Variants in RALGAPA2 observed in about 807,000 individuals in gnomAD.
RALGAPA2 encodes ral GTPase-activating protein subunit alpha-2.
RALGAPA2 carries 139 observed loss-of-function variants against 230.4 expected under a neutral mutation model. The ratio of observed to expected loss-of-function variants is 0.60; its 90% CI spans 0.53 to 0.69. The LOEUF is 0.69. Among genes scored for constraint, RALGAPA2 ranks in the 30% least tolerant of loss-of-function variants. RALGAPA2 has a pLI of 0.00. For missense variants in RALGAPA2, 2,163 were observed against 2,276.0 expected, an observed-to-expected ratio of 0.95 and a Z score of 1.01; for synonymous variants, 847 against 837.8, an observed-to-expected ratio of 1.01 and a Z score of -0.19.
Position 20,616,044 on chromosome 20 carries a change from A to G in RALGAPA2, c.1687T>C (p.Trp563Arg). The G allele has an allele frequency of 6.7e-7, 1 of 1,493,070 alleles. No homozygotes were observed. The highest frequency in any genetic ancestry group is 8.9e-7 in the Non-Finnish European group (1 of 1,119,824). 92.5% of individuals were successfully genotyped at this position (1,493,070 alleles called of 1,614,324 possible). Reference sequence around the variant, plus strand: ...CTAATTAATTTGATATAAACTTACCATGTCTTTTTATTCATTGTAAGCTCC... The same window carrying G: ...CTAATTAATTTGATATAAACTTACCGTGTCTTTTTATTCATTGTAAGCTCC... ...IMELTMNKKT[W>R]EQMLQILLRI... The change falls in exon 13 of 40, where the codon TGG becomes CGG. Residue 563 changes from tryptophan to arginine, a missense_variant and splice_region_variant. Trp to Arg is a moderately radical substitution (Grantham distance 101, BLOSUM62 -3). Transcript: ENST00000202677.
chr20:20,439,807 T>C (rs1183175909), intron 37 of RALGAPA2, among the ~76,000 whole-genome samples: 1 of 152,236 alleles, frequency 6.6e-6, no homozygotes, highest in African/African-American at 2.4e-5. Flanking sequence ...GAGTACAAAG[T>C]ACAAGGTGCT....
chr20:20,405,638 G>A (rs1016405303), intron 38 of RALGAPA2, among the ~76,000 whole-genome samples: 3 of 152,214 alleles, frequency 2.0e-5, no homozygotes, highest in African/African-American at 4.8e-5. Context: ...CAAGGTGATC[G>A]ATAATTCCCT....
At chr20:20,602,118 A>C (rs2065672749) in intron 15 of RALGAPA2, among the ~76,000 whole-genome samples, 1 of 152,228 alleles carries the variant, frequency 6.6e-6, no homozygotes. Flanking sequence ...ATACAAAAGA[A>C]AGTATTAATA....
At chr20:20,623,873 A>G (rs980731396) in intron 10 of RALGAPA2, among the ~76,000 whole-genome samples, 10 of 152,082 alleles carry the variant, frequency 6.6e-5, no homozygotes, top group African/African-American at 2.4e-4. Context: ...AATATGTTAA[A>G]CCTATTTACC....
intron 26 of RALGAPA2, 134 bp downstream of exon 26, chr20:20,535,611 C>A: frequency 7.8e-7 from 1 of 1,289,782 alleles, no homozygotes; most frequent in African/African-American, 1.5e-5. Context: ...TTCCTGGCAT[C>A]ATTCTTCCTA....
chr20:20,608,942 A>T (rs1027699625), intron 14 of RALGAPA2, among the ~76,000 whole-genome samples: 3 of 152,162 alleles, frequency 2.0e-5, no homozygotes, highest in Non-Finnish European at 4.4e-5. Flanking sequence ...TCAGAAACAC[A>T]ATCTGCCTAA....
intron 38 of RALGAPA2, among the ~76,000 whole-genome samples, chr20:20,405,155 TC>T (rs2059920066): frequency 1.3e-5 from 2 of 152,196 alleles, no homozygotes; most frequent in Non-Finnish European, 2.9e-5. Flanking sequence ...GTTTTCATTC[TC>T]CTCAAGTTGA....
intron 20 of RALGAPA2, among the ~76,000 whole-genome samples, chr20:20,580,566 A>C (rs1426734791): frequency 6.6e-6 from 1 of 152,192 alleles, no homozygotes. Context: ...TAGAAATGAC[A>C]CTAAAAGCGG....
chr20:20,707,658 C>G (rs934794875), intron 1 of RALGAPA2, among the ~76,000 whole-genome samples: 2 of 152,110 alleles, frequency 1.3e-5, no homozygotes, highest in African/African-American at 4.8e-5. Flanking sequence ...TTTGTATATA[C>G]AGCATTTGTG....
chr20:20,557,386 T>G (rs1295920610), intron 23 of RALGAPA2, among the ~76,000 whole-genome samples: 1 of 152,146 alleles, frequency 6.6e-6, no homozygotes, highest in Admixed American at 6.5e-5. Context: ...ATTGCCAAAA[T>G]GAGTCAAATG....
Position 20,391,412 on chromosome 20 carries a change from CCACTTT to C in RALGAPA2, c.*1871_*1876del, listed in dbSNP as rs1284980546. ...CGGCCCAGGGGCCAGAAGCTTCCTTCCACTTTGGGGCACCCTCATTCTCTTCTGTTC... is the reference window on the plus strand; with the variant it reads ...CGGCCCAGGGGCCAGAAGCTTCCTTCGGGGCACCCTCATTCTCTTCTGTTC... On this transcript the variant is annotated 3_prime_UTR_variant, in exon 40 of 40. Coordinates refer to ENST00000202677, the MANE Select transcript of RALGAPA2 (RefSeq NM_020343.4). The C allele has an allele frequency of 6.6e-5, 10 of 152,414 alleles. No individual in the cohort carries two copies. Among genetic ancestry groups the C allele is most frequent in the Middle Eastern group, 3.4e-3 (1 of 294 alleles). The allele number at this position is 152,414 out of a possible 1,614,324, so 9.4% of individuals were successfully genotyped here. A position where few individuals can be genotyped will look rare whatever the true frequency, so the allele number is the denominator to read the frequency against.
chr20:20,451,366 A>G (rs2060984874), intron 37 of RALGAPA2, among the ~76,000 whole-genome samples: 1 of 152,140 alleles, frequency 6.6e-6, no homozygotes, highest in Non-Finnish European at 1.5e-5. Context: ...GCTCCCCAAA[A>G]GACATCTTTT....
chr20:20,557,877 T>TA (rs1404352834), intron 23 of RALGAPA2, among the ~76,000 whole-genome samples: 2 of 152,200 alleles, frequency 1.3e-5, no homozygotes, highest in Admixed American at 1.3e-4. Flanking sequence ...CAGCAAGGTT[T>TA]AAAAACAAAC....
chr20:20,522,257 A>G (rs1471316102), intron 30 of RALGAPA2, among the ~76,000 whole-genome samples: 1 of 152,204 alleles, frequency 6.6e-6, no homozygotes, highest in Non-Finnish European at 1.5e-5. Context: ...GTACAAAAAA[A>G]AAAAAAAAAC....
intron 38 of RALGAPA2, among the ~76,000 whole-genome samples, chr20:20,409,259 T>C (rs2060011910): frequency 6.6e-6 from 1 of 152,304 alleles, no homozygotes; most frequent in East Asian, 1.9e-4. Context: ...TAAAGGCTGA[T>C]TTTGGGGCTT....
At chr20:20,430,170 G>T (rs1211462201) in intron 37 of RALGAPA2, among the ~76,000 whole-genome samples, 1 of 152,248 alleles carries the variant, frequency 6.6e-6, no homozygotes, top group African/African-American at 2.4e-5. Context: ...AGGTGTGCCT[G>T]TTCAAGATCA....
chr20:20,483,665 C>T (rs2061836200), intron 36 of RALGAPA2, among the ~76,000 whole-genome samples: 1 of 152,140 alleles, frequency 6.6e-6, no homozygotes. Context: ...ATGTGCAACC[C>T]CCTAAATCCT....
Position 20,663,469 on chromosome 20 carries a change from AGTTT to A in RALGAPA2, c.271-9886_271-9883del, listed in dbSNP as rs2067852506. 2.6e-5 allele frequency among the ~76,000 whole-genome samples: 4 copies of A among 152,116 alleles called. No individual in the cohort carries two copies. The South Asian group carries it at 8.3e-4, about 32-fold the overall frequency. Reference sequence around the variant, plus strand: ...GTAGATCTTAGCAACCTCAGCATATAGTTTTTTTCTTTCTTATTAAGTCAAGAAC... The same window carrying A: ...GTAGATCTTAGCAACCTCAGCATATATTTTCTTTCTTATTAAGTCAAGAAC... On this transcript the variant is annotated intron_variant, in intron 3 of 39. Transcript: ENST00000202677.
intron 35 of RALGAPA2, among the ~76,000 whole-genome samples, chr20:20,496,992 G>A (rs1365569942): frequency 2.3e-4 from 35 of 152,204 alleles, no homozygotes; most frequent in Admixed American, 6.5e-5. Context: ...CACAAGTCAC[G>A]ATGATCCAGA....
Sources: gnomAD v4.1 joint callset for allele counts (sites outside exome capture counted in the v4.1 genomes callset) on GRCh38, gnomAD v4.1.1 for gene constraint, MANE v1.5 for transcripts, NCBI Gene and HGNC (gene_info 2026-07-23, HGNC 2026-07-21) for gene names.